NXPE2: variants seen among roughly 807,000 people sequenced by gnomAD.
NXPE2 encodes the protein NXPE family member 2.
Under a neutral mutation model 34.4 loss-of-function variants are expected in NXPE2, and 34 were observed. That is an observed-to-expected ratio of 0.99 (90% CI 0.75 to 1.31). The LOEUF (loss-of-function observed/expected upper bound fraction) is 1.31, where lower values mean the gene tolerates loss of function less well. Ranked by LOEUF, NXPE2 falls within the 40% of genes most tolerant of loss-of-function variation. The probability of loss-of-function intolerance (pLI) is 0.00; values close to 1 mark genes in which losing one functional copy is unlikely to be tolerated. For synonymous variants in NXPE2, 235 were observed against 231.3 expected, an observed-to-expected ratio of 1.02 and a Z score of -0.15; for missense variants, 649 against 672.5, an observed-to-expected ratio of 0.97 and a Z score of 0.39.
At chr11:114,633,131 TTCA>T in the NXPE2 span, among the ~76,000 whole-genome samples, 12 of 125,716 alleles carry the variant, frequency 9.5e-5, no homozygotes, top group Non-Finnish European at 1.9e-4. Context: ...TAATTTATAT[TTCA>T]TATATTATTT....
the NXPE2 span, chr11:114,571,356 A>G: frequency 1.2e-6 from 2 of 1,613,912 alleles, no homozygotes; most frequent in Non-Finnish European, 1.7e-6. Flanking sequence ...TGAATAGGTC[A>G]TTGATCCTAT....
the NXPE2 span, among the ~76,000 whole-genome samples, chr11:114,564,319 T>C: frequency 1.3e-5 from 2 of 152,096 alleles, no homozygotes; most frequent in African/African-American, 4.8e-5. Flanking sequence ...GAAAGGTTGA[T>C]AGCGAGGTGA....
At chr11:114,672,120 G>T in the NXPE2 span, among the ~76,000 whole-genome samples, 1 of 151,912 alleles carries the variant, frequency 6.6e-6, no homozygotes, top group South Asian at 2.1e-4. Context: ...TCTAGTACAA[G>T]AACAGCAAGG....
the NXPE2 span, among the ~76,000 whole-genome samples, chr11:114,808,219 T>C: frequency 5.3e-5 from 8 of 152,154 alleles, no homozygotes. Context: ...TTTGTAGCAC[T>C]AAATGCCCAC....
the NXPE2 span, among the ~76,000 whole-genome samples, chr11:114,475,185 A>G: frequency 1.4e-5 from 2 of 137,998 alleles, no homozygotes; most frequent in African/African-American, 5.3e-5. Context: ...TTCATCTTTC[A>G]ATGTTGTGAA....
downstream of NXPE2, among the ~76,000 whole-genome samples, chr11:114,710,938 A>C (rs1859599700): frequency 6.6e-6 from 1 of 152,210 alleles, no homozygotes; most frequent in Admixed American, 6.5e-5. Flanking sequence ...ATGGCTCAAC[A>C]TATGAAAATC....
chr11:114,622,386 ATTTCTTGTGGG>A, the NXPE2 span, among the ~76,000 whole-genome samples: 1 of 149,114 alleles, frequency 6.7e-6, no homozygotes, highest in Admixed American at 6.7e-5. Context: ...GATAATAAGT[ATTTCTTGTGGG>A]TAACCACTGT....
chr11:114,755,570 CCA>C, the NXPE2 span, among the ~76,000 whole-genome samples: 2 of 152,146 alleles, frequency 1.3e-5, no homozygotes, highest in African/African-American at 4.8e-5. Context: ...TTCTGTAGTA[CCA>C]GTTTTGCAGA....
At chr11:114,531,000 T>G in the NXPE2 span, 2 of 1,293,636 alleles carry the variant, frequency 1.5e-6, no homozygotes, top group Non-Finnish European at 1.0e-6. Context: ...ACAGTGAATA[T>G]TTGTATAATT....
chr11:114,791,882 T>C, the NXPE2 span, among the ~76,000 whole-genome samples: 2 of 152,196 alleles, frequency 1.3e-5, no homozygotes, highest in African/African-American at 2.4e-5. Flanking sequence ...GGTGAAACCC[T>C]GTCTCTACTA....
At chr11:114,523,062 C>A in the NXPE2 span, 1 of 1,613,468 alleles carries the variant, frequency 6.2e-7, no homozygotes, top group South Asian at 1.1e-5. Context: ...TTCATTCCAA[C>A]TTGGCATGTC....
At chr11:114,742,194 T>C in the NXPE2 span, among the ~76,000 whole-genome samples, 1 of 152,156 alleles carries the variant, frequency 6.6e-6, no homozygotes, top group Admixed American at 6.5e-5. Context: ...ACAGCACTTG[T>C]TGTCCATGAG....
At chr11:114,535,706 G>A in the NXPE2 span, among the ~76,000 whole-genome samples, 2 of 152,110 alleles carry the variant, frequency 1.3e-5, no homozygotes, top group Admixed American at 1.3e-4. Context: ...TAATGGTAAA[G>A]GAATCAATTC....
At chr11:114,541,925 CA>C in the NXPE2 span, among the ~76,000 whole-genome samples, 12,207 of 152,172 alleles carry the variant, frequency 0.08, 707 homozygotes, top group East Asian at 0.22. Context: ...TTATGTTTAT[CA>C]ATTGTGTTTA....
the NXPE2 span, among the ~76,000 whole-genome samples, chr11:114,480,520 C>T: frequency 6.6e-6 from 1 of 152,152 alleles, no homozygotes; most frequent in Non-Finnish European, 1.5e-5. Flanking sequence ...TGGTGCACAA[C>T]CAGAAGCAAA....
At chr11:114,494,242 C>A in the NXPE2 span, among the ~76,000 whole-genome samples, 1 of 152,064 alleles carries the variant, frequency 6.6e-6, no homozygotes, top group Admixed American at 6.6e-5. Context: ...TGATATATTC[C>A]CTAGGTTTGG....
At chr11:114,493,675 T>C in the NXPE2 span, among the ~76,000 whole-genome samples, 3 of 152,178 alleles carry the variant, frequency 2.0e-5, no homozygotes, top group African/African-American at 4.8e-5. Context: ...TACTATGTCT[T>C]GAAAAGTTGT....
the NXPE2 span, among the ~76,000 whole-genome samples, chr11:114,491,684 A>C: frequency 6.6e-6 from 1 of 152,238 alleles, no homozygotes; most frequent in Non-Finnish European, 1.5e-5. Flanking sequence ...ATTATAAATC[A>C]TGCTGCTATA....
chr11:114,799,359 A>C, the NXPE2 span, among the ~76,000 whole-genome samples: 2 of 151,976 alleles, frequency 1.3e-5, no homozygotes, highest in African/African-American at 4.8e-5. Context: ...TAAGGTTGGC[A>C]AAAATGCTGG....
Sources: gnomAD v4.1 joint callset for allele counts (sites outside exome capture counted in the v4.1 genomes callset) on GRCh38, gnomAD v4.1.1 for gene constraint, MANE v1.5 for transcripts, NCBI Gene and HGNC (gene_info 2026-07-23, HGNC 2026-07-21) for gene names.